POLR2M: variants seen among roughly 807,000 people sequenced by gnomAD.
POLR2M encodes RNA polymerase II subunit M.
In POLR2M, 30 loss-of-function variants were observed where a neutral mutation model predicts 34.6. That is an observed-to-expected ratio of 0.87 (90% CI 0.65 to 1.18). The LOEUF (loss-of-function observed/expected upper bound fraction) is 1.18. Among genes scored for constraint, POLR2M ranks in the 50% most tolerant of loss-of-function variants. POLR2M has a pLI of 0.00. For missense variants in POLR2M, 432 were observed against 448.7 expected (o/e 0.96, Z 0.34); for synonymous variants, 150 against 166.7 (o/e 0.90, Z 0.77).
In POLR2M at chr15:57,712,232, T is replaced by G. The variant is rs768399374; in HGVS notation, c.963+44T>G. 3.1e-6 allele frequency: 5 copies of G among 1,604,122 alleles called. No homozygotes were observed. In the Admixed American group the frequency reaches 8.4e-5, roughly 27 times the overall value. ...TTCTTGTCTGTTTGTTGGGTGCTGC[T>G]TACATAAGCTAGAATTTACTCCAGG... On this transcript the variant is annotated intron_variant, in intron 3 of 3. Transcript: ENST00000299638.
intron 1 of POLR2M, 139 bp downstream of exon 1, chr15:57,707,094 A>G: frequency 6.5e-7 from 1 of 1,549,026 alleles, no homozygotes; most frequent in Non-Finnish European, 8.7e-7. Flanking sequence ...CCTACGGGCG[A>G]GTGGACGGAG....
intron 2 of POLR2M, among the ~76,000 whole-genome samples, chr15:57,711,099 T>C (rs1037574319): frequency 6.6e-6 from 1 of 152,204 alleles, no homozygotes; most frequent in Non-Finnish European, 1.5e-5. Flanking sequence ...GCAGTTTCTT[T>C]CCAAGGTGAT....
Position 57,709,080 on chromosome 15 carries a change from C to G in POLR2M, c.480C>G (p.Asp160Glu), listed in dbSNP as rs753511130. 10 of 1,614,044 alleles carry G rather than the reference C, an allele frequency of 6.2e-6. No individual in the cohort carries two copies. Among genetic ancestry groups the G allele is most frequent in the Admixed American group, 1.7e-5 (1 of 59,996 alleles). The change falls in exon 2 of 4, where the codon GAC (aspartate) becomes GAG (glutamate). Residue 160 changes from aspartate (D) to glutamate (E), a missense_variant. Transcript: ENST00000299638. ...VNKGPASSNR[D>E]RVPPSSEASE... ...AGGGCCCAGCTTCCAGCAATAGAGA[C>G]AGGGTACCACCTTCATCTGAAGCTA...
chr15:57,712,039 A>C lies in POLR2M; in HGVS notation c.814A>C (p.Ile272Leu). The C allele has an allele frequency of 6.2e-7, 1 of 1,614,064 alleles. No homozygotes were observed. Among genetic ancestry groups the C allele is most frequent in the Non-Finnish European group, 8.5e-7 (1 of 1,179,958 alleles). Residue 272 changes from isoleucine to leucine, a missense_variant, in exon 3 of 4, where the codon ATT (isoleucine) becomes CTT (leucine). Transcript: ENST00000299638. ...TCATTGCCAGAAGAGTGGGTCTCCT[A>C]TTTCCTCAGAAGAGCGGCGGCGCAG... is the stretch of plus-strand genomic sequence containing the variant. Reference protein sequence around the residue: ...SSHCQKSGSPISSEERRRRDK... With the variant: ...SSHCQKSGSPLSSEERRRRDK...
In POLR2M at chr15:57,716,616, G is replaced by T. The variant is rs2040953973; in HGVS notation, c.*1937G>T. Reference sequence around the variant, plus strand: ...GTATTTGTTTTTCTTACTTAGTGAAGGTTGTGTTTTTTTTCATATTCATTG... The same window carrying T: ...GTATTTGTTTTTCTTACTTAGTGAATGTTGTGTTTTTTTTCATATTCATTG... On this transcript the variant is annotated 3_prime_UTR_variant, in exon 4 of 4. Transcript: ENST00000299638. 1.3e-5 allele frequency: 2 copies of T among 152,244 alleles called. No individual in the cohort carries two copies. Among genetic ancestry groups the T allele is most frequent in the South Asian group, 4.1e-4 (2 of 4,834 alleles). The allele number at this position is 152,244 out of a possible 1,614,324, so 9.4% of individuals were successfully genotyped here. A position where few individuals can be genotyped will look rare whatever the true frequency, so the allele number is the denominator to read the frequency against.
rs2040949145 is a variant in POLR2M at position 57,716,519 on chromosome 15, T to G, written c.*1840T>G. ...TTCCCATTAGCAATATATCCAATGCTCAGAATTGAAAATTACTACTTAAAA... is the reference window on the plus strand; with the variant it reads ...TTCCCATTAGCAATATATCCAATGCGCAGAATTGAAAATTACTACTTAAAA... On this transcript the variant is annotated 3_prime_UTR_variant, in exon 4 of 4. Transcript: ENST00000299638. The G allele has an allele frequency of 6.6e-6, 1 of 152,406 alleles. No homozygotes were observed. The highest frequency in any genetic ancestry group is 1.5e-5 in the Non-Finnish European group (1 of 68,042). 9.4% of individuals were successfully genotyped at this position (152,406 alleles called of 1,614,324 possible).
rs11854253 is a variant in POLR2M at position 57,707,277 on chromosome 15, C to T, written c.113+322C>T. ...CTGCTTTCTAAACCCTTTTGTCGCCCGCACCCCTAACCCATAACAGATTGT... is the reference window on the plus strand; with the variant it reads ...CTGCTTTCTAAACCCTTTTGTCGCCTGCACCCCTAACCCATAACAGATTGT... On this transcript the variant is annotated intron_variant, in intron 1 of 3. Coordinates refer to ENST00000299638, the MANE Select transcript of POLR2M (RefSeq NM_015532.5). 3 of 859,178 alleles carry T rather than the reference C, an allele frequency of 3.5e-6. No homozygotes were observed. The South Asian group carries it at 5.3e-5, about 15-fold the overall frequency. 53.2% of individuals were successfully genotyped at this position (859,178 alleles called of 1,614,324 possible).
intron 1 of POLR2M, among the ~76,000 whole-genome samples, chr15:57,708,023 G>A (rs1326112713): frequency 6.6e-6 from 1 of 152,178 alleles, no homozygotes; most frequent in Non-Finnish European, 1.5e-5. Flanking sequence ...ATAAATAATT[G>A]GTTGGGATCA....
intron 1 of POLR2M, 188 bp downstream of exon 1, chr15:57,707,143 C>A (rs1237778801): frequency 1.3e-6 from 2 of 1,530,422 alleles, no homozygotes; most frequent in East Asian, 2.5e-5. Context: ...CCTGGCCAGG[C>A]ACGTATGCCT....
At chr15:57,711,494 C>G (rs1352797516) in intron 2 of POLR2M, among the ~76,000 whole-genome samples, 2 of 152,198 alleles carry the variant, frequency 1.3e-5, no homozygotes, top group Admixed American at 1.3e-4. Context: ...TCTCTCACTC[C>G]CCTTGCTGGG....
Position 57,714,932 on chromosome 15 carries a change from T to C in POLR2M, c.*253T>C. 3 of 451,162 alleles carry C rather than the reference T, an allele frequency of 6.6e-6. No homozygotes were observed. The highest frequency in any genetic ancestry group is 1.1e-5 in the Non-Finnish European group (3 of 262,700). 27.9% of individuals were successfully genotyped at this position (451,162 alleles called of 1,614,324 possible). On this transcript the variant is annotated 3_prime_UTR_variant, in exon 4 of 4. Coordinates refer to ENST00000299638, the MANE Select transcript of POLR2M (RefSeq NM_015532.5). ...TATATTGTGTATTGGTCTGATATTT[T>C]AGTATATAGTAGAACATACTTTTTT...
chr15:57,706,973 G>T lies in POLR2M; in HGVS notation c.113+18G>T. ...CGCAACGAGTAAGCTGGGGTCCCGC[G>T]GAGTCTCCGCCAGGCTCCTTCAGCT... is the stretch of plus-strand genomic sequence containing the variant. On this transcript the variant is annotated intron_variant, in intron 1 of 3. Transcript: ENST00000299638. 1 of 1,571,928 alleles carries T rather than the reference G, an allele frequency of 6.4e-7. No homozygotes were observed. The highest frequency in any genetic ancestry group is 8.6e-7 in the Non-Finnish European group (1 of 1,158,154).
Position 57,708,815 on chromosome 15 carries a change from G to A in POLR2M, c.215G>A (p.Ser72Asn), listed in dbSNP as rs2040592809. 4 of 1,613,798 alleles carry A rather than the reference G, an allele frequency of 2.5e-6. No individual in the cohort carries two copies. Among genetic ancestry groups the A allele is most frequent in the African/African-American group, 1.3e-5 (1 of 75,052 alleles). ...GAATGTGAAGAAGTTAGAAGAAAAA[G>A]TGAACTGTTTAACCCTGTTAGTTTA... The part of the protein sequence containing the change: ...IAECEEVRRK[S>N]ELFNPVSLDC... Residue 72 changes from serine to asparagine, a missense_variant, in exon 2 of 4, where the codon AGT becomes AAT. By Grantham distance (46) the Ser-to-Asn change is conservative. Transcript: ENST00000299638.
intron 2 of POLR2M, among the ~76,000 whole-genome samples, chr15:57,709,951 C>T (rs1338158176): frequency 6.6e-6 from 1 of 152,200 alleles, no homozygotes; most frequent in African/African-American, 2.4e-5. Flanking sequence ...TGTAAGCAAG[C>T]AGCAGGTGTT....
rs1454462029 is a variant in POLR2M, at chr15:57,708,817, G to A, written c.217G>A (p.Glu73Lys). 4 of 1,613,810 alleles carry A rather than the reference G, an allele frequency of 2.5e-6. No homozygotes were observed. The highest frequency in any genetic ancestry group is 1.7e-6 in the Non-Finnish European group (2 of 1,179,828). ...ATGTGAAGAAGTTAGAAGAAAAAGT[G>A]AACTGTTTAACCCTGTTAGTTTAGA... Reference protein sequence around the residue: ...AECEEVRRKSELFNPVSLDCK... With the variant: ...AECEEVRRKSKLFNPVSLDCK... Residue 73 changes from glutamate to lysine, a missense_variant, in exon 2 of 4, where the codon GAA becomes AAA. By Grantham distance (56) the Glu-to-Lys change is moderately conservative (BLOSUM62 1). Transcript: ENST00000299638.
intron 2 of POLR2M, among the ~76,000 whole-genome samples, chr15:57,710,373 G>A (rs1207556129): frequency 1.3e-5 from 2 of 152,200 alleles, no homozygotes; most frequent in Non-Finnish European, 2.9e-5. Context: ...GTATTTACAA[G>A]TATGTAACAT....
At position 57,709,749 on chromosome 15, in the gene POLR2M, A is replaced by G. The variant is rs1280527113; in HGVS notation, c.758+391A>G. 5.9e-5 allele frequency among the ~76,000 whole-genome samples: 9 copies of G among 152,254 alleles called. No homozygotes were observed. The East Asian group carries it at 1.7e-3, about 29-fold the overall frequency. ...GTGTTAAATTTTAGGATGCTTAGCC[A>G]GTATTTCATAATAAACACAGAGTTG... On this transcript the variant is annotated intron_variant, in intron 2 of 3. Coordinates refer to ENST00000299638, the MANE Select transcript of POLR2M (RefSeq NM_015532.5).
intron 1 of POLR2M, 117 bp downstream of exon 1, chr15:57,707,072 A>G (rs768112424): frequency 1.3e-6 from 2 of 1,551,358 alleles, no homozygotes; most frequent in African/African-American, 1.4e-5. Flanking sequence ...ACTCAGTCAC[A>G]TTCGCTTCAG....
At chr15:57,710,875 A>C (rs2040681802) in intron 2 of POLR2M, among the ~76,000 whole-genome samples, 1 of 152,102 alleles carries the variant, frequency 6.6e-6, no homozygotes, top group East Asian at 1.9e-4. Flanking sequence ...GGAGGTTGGA[A>C]GGTGGGGTCA....
Sources: allele counts gnomAD v4.1 joint callset (sites outside exome capture counted in the v4.1 genomes callset), GRCh38; gene constraint gnomAD v4.1.1; transcripts MANE v1.5; gene names NCBI Gene and HGNC (gene_info 2026-07-23, HGNC 2026-07-21).